C4orf51: variants seen among roughly 807,000 people sequenced by gnomAD.
C4orf51 encodes uncharacterized protein C4orf51.
C4orf51 carries 25 observed loss-of-function variants against 25.2 expected under a neutral mutation model. The ratio of observed to expected loss-of-function variants is 0.99; its 90% confidence interval spans 0.72 to 1.39. The LOEUF is 1.39. C4orf51 is among the 40% of genes most tolerant of loss of function. The pLI is 0.00. For missense variants in C4orf51, 252 were observed against 239.6 expected (o/e 1.05, Z -0.34); for synonymous variants, 100 against 84.5 (o/e 1.18, Z -1.01).
chr4:145,785,322 G>A, the C4orf51 span, among the ~76,000 whole-genome samples: 2 of 152,086 alleles, frequency 1.3e-5, no homozygotes, highest in African/African-American at 2.4e-5. Context: ...CATTTCATGC[G>A]TAGGTCCTGG....
rs1734858510 is a variant in C4orf51, at chr4:145,763,708, T to C, written n.167-7280T>C. On this transcript the variant is annotated intron_variant and non_coding_transcript_variant, in intron 1 of 1. Transcript: ENST00000510096. The surrounding 1 kb of genome is among the most constrained non-coding windows in gnomAD (Gnocchi z 4.6). ...CAGAAAAACATGGTTCTGGTGTTTCTCTTTTTAAAATGAGAGCACACAAAT... is the reference window on the plus strand; with the variant it reads ...CAGAAAAACATGGTTCTGGTGTTTCCCTTTTTAAAATGAGAGCACACAAAT... Among the ~76,000 whole-genome samples, 1 of 152,212 alleles carries C rather than the reference T, an allele frequency of 6.6e-6. No individual in the cohort carries two copies. Among genetic ancestry groups the C allele is most frequent in the South Asian group, 2.1e-4 (1 of 4,824 alleles).
intron 2 of C4orf51, among the ~76,000 whole-genome samples, chr4:145,705,903 A>G (rs1730777945): frequency 6.6e-6 from 1 of 152,180 alleles, no homozygotes; most frequent in Admixed American, 6.5e-5. Flanking sequence ...GCTGGTGGCT[A>G]TAGTTATGCC....
At chr4:145,775,869 C>A, downstream of C4orf51, 1 of 1,614,174 alleles carries the variant, frequency 6.2e-7, no homozygotes, top group South Asian at 1.1e-5. Context: ...CTGTACTCAC[C>A]AGCTTCACGG....
At chr4:145,697,412 T>A (rs1465694381) in intron 2 of C4orf51, among the ~76,000 whole-genome samples, 2 of 152,188 alleles carry the variant, frequency 1.3e-5, no homozygotes, top group Non-Finnish European at 2.9e-5. Context: ...TAGCAAATTT[T>A]AAGTATACAT....
chr4:145,747,214 A>G (rs913513925), intron 1 of C4orf51, among the ~76,000 whole-genome samples: 4 of 152,074 alleles, frequency 2.6e-5, no homozygotes, highest in Non-Finnish European at 2.9e-5. Context: ...TGCTCTAGCT[A>G]TGGCTTCCAG....
chr4:145,792,096 G>T, the C4orf51 span, among the ~76,000 whole-genome samples: 1 of 152,210 alleles, frequency 6.6e-6, no homozygotes, highest in African/African-American at 2.4e-5. Context: ...CTATGAGATG[G>T]TGACCTCGTT....
At chr4:145,692,942 T>C (rs2132780) in intron 1 of C4orf51, among the ~76,000 whole-genome samples, 12 of 142,498 alleles carry the variant, frequency 8.4e-5, no homozygotes, top group African/African-American at 2.9e-4. Flanking sequence ...TCCGCTGATA[T>C]TAAGTTTTTA....
At chr4:145,721,451 G>A (rs7673057) in intron 2 of C4orf51, among the ~76,000 whole-genome samples, 30,843 of 151,778 alleles carry the variant, frequency 0.2, 3,309 homozygotes, top group East Asian at 0.28. Flanking sequence ...TGACAGCTAC[G>A]CTGTGTGACT....
Position 145,692,953 on chromosome 4 carries a change from G to GTTTTT in C4orf51, c.234-3584_234-3580dup, listed in dbSNP as rs202227019. Among the ~76,000 whole-genome samples the GTTTTT allele has an allele frequency of 1.6e-4, 16 of 100,994 alleles. 1 individual carries two copies. Among genetic ancestry groups the GTTTTT allele is most frequent in the African/African-American group, 3.5e-4 (10 of 28,270 alleles). The allele number at this position is 100,994 out of a possible 152,430, so 66.3% of individuals were successfully genotyped here. ...TTACTCCGCTGATATTAAGTTTTTA[G>GTTTTT]TTTTTTTTTTTTTTTTTTTTTTTTT... On this transcript the variant is annotated intron_variant, in intron 1 of 5. Coordinates refer to ENST00000438731, the MANE Select transcript of C4orf51 (RefSeq NM_001080531.3).
At chr4:145,730,132 T>C (rs1180270086) in intron 5 of C4orf51, among the ~76,000 whole-genome samples, 167 bp downstream of exon 5, 2 of 152,222 alleles carry the variant, frequency 1.3e-5, no homozygotes, top group Non-Finnish European at 2.9e-5. Context: ...GCTGTTCTGA[T>C]AAGATAAAGT....
chr4:145,692,171 T>C (rs1398467040), intron 1 of C4orf51, among the ~76,000 whole-genome samples: 3 of 152,106 alleles, frequency 2.0e-5, no homozygotes, highest in Non-Finnish European at 4.4e-5. Flanking sequence ...AGAAGCAAAA[T>C]GTAGAATAAG....
intron 1 of C4orf51, among the ~76,000 whole-genome samples, chr4:145,684,306 C>A (rs1352747633): frequency 2.0e-5 from 3 of 152,050 alleles, no homozygotes; most frequent in Non-Finnish European, 4.4e-5. Flanking sequence ...CATGGTGAAA[C>A]CCCGTCTCTA....
At chr4:145,726,488 A>G (rs571440952) in intron 2 of C4orf51, among the ~76,000 whole-genome samples, 1 of 152,086 alleles carries the variant, frequency 6.6e-6, no homozygotes, top group Admixed American at 6.6e-5. Flanking sequence ...TGCATCTTCC[A>G]CTTCCCAGGC....
At chr4:145,788,221 C>T in the C4orf51 span, among the ~76,000 whole-genome samples, 111 of 152,212 alleles carry the variant, frequency 7.3e-4, no homozygotes, top group African/African-American at 2.5e-3. Flanking sequence ...TGATTTGTAT[C>T]GTAAAGAACT....
intron 1 of C4orf51, among the ~76,000 whole-genome samples, chr4:145,683,769 G>T (rs527860048): frequency 6.6e-6 from 1 of 152,128 alleles, no homozygotes; most frequent in Non-Finnish European, 1.5e-5. Context: ...AGACCTAAAT[G>T]TAAAATGCAA....
chr4:145,681,476 A>G (rs1728834969), intron 1 of C4orf51, among the ~76,000 whole-genome samples: 1 of 152,208 alleles, frequency 6.6e-6, no homozygotes, highest in African/African-American at 2.4e-5. Context: ...TCTCAAGTAT[A>G]TTGACACTTA....
At chr4:145,751,172 A>G (rs903915170) in intron 1 of C4orf51, among the ~76,000 whole-genome samples, 1 of 152,080 alleles carries the variant, frequency 6.6e-6, no homozygotes, top group East Asian at 1.9e-4. Context: ...TGGTGCGGTC[A>G]TGTTTTCCTG....
rs754173514 is a variant in C4orf51, at chr4:145,732,438, G to C, written c.502-15G>C. On this transcript the variant is annotated splice_polypyrimidine_tract_variant and intron_variant, in intron 5 of 5. Transcript: ENST00000438731. ...CGGATGAGCGAGTGTTGACAACCAG[G>C]CCATTTTTCTCCAGCTTCATGGACG... is the stretch of plus-strand genomic sequence containing the variant. 3 of 1,576,100 alleles carry C rather than the reference G, an allele frequency of 1.9e-6. No individual in the cohort carries two copies. The East Asian group carries it at 6.7e-5, about 35-fold the overall frequency.
At chr4:145,682,610 T>A (rs1197635671) in intron 1 of C4orf51, among the ~76,000 whole-genome samples, 5 of 152,228 alleles carry the variant, frequency 3.3e-5, no homozygotes, top group Non-Finnish European at 5.9e-5. Context: ...ATTTACCACA[T>A]ACATTGAATA....
Sources: gnomAD v4.1 joint callset for allele counts (sites outside exome capture counted in the v4.1 genomes callset) on GRCh38, gnomAD v4.1.1 for gene constraint, Gnocchi (gnomAD v3.1) non-coding constraint, MANE v1.5 for transcripts, NCBI Gene and HGNC (gene_info 2026-07-23, HGNC 2026-07-21) for gene names.